GPHN: variants seen among roughly 807,000 people sequenced by gnomAD.
The protein encoded by GPHN is gephyrin.
GPHN carries 17 observed loss-of-function variants against 95.5 expected under a neutral mutation model. That is an observed-to-expected ratio of 0.18 (90% CI 0.12 to 0.27). The LOEUF is 0.27. GPHN is among the 10% of genes least tolerant of loss of function. The pLI is 1.00. For missense variants in GPHN, 660 were observed against 978.1 expected, an observed-to-expected ratio of 0.67 and a Z score of 4.34; for synonymous variants, 320 against 322.5, an observed-to-expected ratio of 0.99 and a Z score of 0.08.
chr14:67,687,157 C>T, the GPHN span, among the ~76,000 whole-genome samples: 4 of 152,208 alleles, frequency 2.6e-5, no homozygotes, highest in Non-Finnish European at 5.9e-5. Context: ...CCTCCAATTC[C>T]ACCACCTAGT....
At chr14:67,408,557 G>C in the GPHN span, among the ~76,000 whole-genome samples, 1 of 152,084 alleles carries the variant, frequency 6.6e-6, no homozygotes, top group Non-Finnish European at 1.5e-5. Context: ...GTCCTTATAG[G>C]AAGAGGAAAA....
At chr14:67,658,554 G>A in the GPHN span, among the ~76,000 whole-genome samples, 5 of 152,126 alleles carry the variant, frequency 3.3e-5, no homozygotes, top group South Asian at 4.1e-4. Context: ...CCGAGATTGC[G>A]CCACTGCACT....
intron 2 of GPHN, among the ~76,000 whole-genome samples, chr14:66,722,421 T>C (rs923419442): frequency 2.1e-5 from 3 of 145,814 alleles, no homozygotes; most frequent in Admixed American, 6.9e-5. Flanking sequence ...ATGTGTTCTA[T>C]TAATACTAAG....
the GPHN span, among the ~76,000 whole-genome samples, chr14:67,201,189 A>G: frequency 0.31 from 47,755 of 152,034 alleles, 11,591 homozygotes; most frequent in African/African-American, 0.66. Flanking sequence ...AGCTACTCGG[A>G]AGGCTGAGGA....
intron 8 of GPHN, among the ~76,000 whole-genome samples, chr14:66,957,306 C>T (rs1459197795): frequency 6.7e-6 from 1 of 148,856 alleles, no homozygotes; most frequent in African/African-American, 2.5e-5. Context: ...AGCAATTCTC[C>T]TACCTCAGCC....
intron 4 of GPHN, among the ~76,000 whole-genome samples, chr14:66,861,471 T>A (rs145588798): frequency 6.6e-6 from 1 of 152,190 alleles, no homozygotes; most frequent in African/African-American, 2.4e-5. Context: ...AACATCAGAC[T>A]TAATCAGCAC....
At chr14:67,549,852 G>T in the GPHN span, among the ~76,000 whole-genome samples, 1 of 152,352 alleles carries the variant, frequency 6.6e-6, no homozygotes, top group South Asian at 2.1e-4. Context: ...TCTCTGACTT[G>T]CTAAAGAAAA....
At chr14:67,251,538 CA>C in the GPHN span, among the ~76,000 whole-genome samples, 49 of 149,804 alleles carry the variant, frequency 3.3e-4, no homozygotes, top group Middle Eastern at 3.2e-3. Context: ...GAACCTGTCT[CA>C]AAAAAAAAGT....
chr14:67,648,218 C>T, the GPHN span: 28 of 1,596,210 alleles, frequency 1.8e-5, no homozygotes, highest in Non-Finnish European at 2.4e-5. Context: ...CTGTTAACTA[C>T]ATAGGTAAAT....
chr14:67,029,229 G>A (rs2153629721), intron 10 of GPHN, among the ~76,000 whole-genome samples: 1 of 151,988 alleles, frequency 6.6e-6, no homozygotes, highest in Non-Finnish European at 1.5e-5. Flanking sequence ...ATGCTGTTTT[G>A]CGTACTACAG....
At chr14:66,999,121 A>G (rs968384140) in intron 9 of GPHN, among the ~76,000 whole-genome samples, 2 of 151,890 alleles carry the variant, frequency 1.3e-5, no homozygotes, top group Non-Finnish European at 2.9e-5. Context: ...CTTAAATACC[A>G]TGCTTTCTCC....
rs1354801779 is a variant in GPHN, at chr14:66,776,515, A to C, written c.195A>C (p.Glu65Asp). Residue 65 changes from glutamate (E) to aspartate (D), a missense_variant, in exon 3 of 23, where the codon GAA becomes GAC. This residue lies in a region of GPHN where 92 missense variants were observed against 91.9 expected (regional missense o/e 1.00). Transcript: ENST00000478722. ...AGATAGTACCAGATGAAATAGAAGA[A>C]ATCAAGGTATAGTATGGCATTTTTC... ...AYKIVPDEIE[E>D]IKETLIDWCD... 1 of 1,566,080 alleles carries C rather than the reference A, an allele frequency of 6.4e-7. No homozygotes were observed.
At chr14:67,076,461 G>GT (rs1374935395) in intron 11 of GPHN, among the ~76,000 whole-genome samples, 1 of 152,034 alleles carries the variant, frequency 6.6e-6, no homozygotes, top group Non-Finnish European at 1.5e-5. Context: ...TCACTTTAAA[G>GT]TTTTTTTAAT....
intron 10 of GPHN, among the ~76,000 whole-genome samples, chr14:67,031,734 T>A (rs2074206156): frequency 6.6e-6 from 1 of 152,314 alleles, no homozygotes; most frequent in African/African-American, 2.4e-5. Context: ...CTTTCAAATA[T>A]AATTTTTTTA....
the GPHN span, among the ~76,000 whole-genome samples, chr14:67,633,066 C>T: frequency 1.1e-4 from 16 of 152,052 alleles, no homozygotes; most frequent in African/African-American, 2.9e-4. Context: ...GTGATCCGCC[C>T]GCCTCGGCCT....
chr14:67,452,777 T>G, the GPHN span, among the ~76,000 whole-genome samples: 3 of 152,252 alleles, frequency 2.0e-5, no homozygotes, highest in Non-Finnish European at 4.4e-5. Flanking sequence ...AGAGACAGCA[T>G]CTACCTCAGA....
chr14:66,854,143 A>C (rs981490029), intron 4 of GPHN, among the ~76,000 whole-genome samples: 3 of 152,214 alleles, frequency 2.0e-5, no homozygotes, highest in Non-Finnish European at 4.4e-5. Flanking sequence ...TATTTGTTAA[A>C]ATCAAAGAAC....
At chr14:66,699,698 A>C (rs931597955) in intron 2 of GPHN, among the ~76,000 whole-genome samples, 1 of 151,194 alleles carries the variant, frequency 6.6e-6, no homozygotes, top group African/African-American at 2.5e-5. Flanking sequence ...TTCACCTCTC[A>C]CTATTTGCTG....
intron 1 of GPHN, among the ~76,000 whole-genome samples, chr14:66,530,212 C>T (rs779292047): frequency 2.6e-5 from 4 of 152,130 alleles, no homozygotes; most frequent in African/African-American, 7.2e-5. Flanking sequence ...AGGGTTCCGA[C>T]GGGTTGGAAC....
Sources: gnomAD v4.1 joint callset for allele counts (sites outside exome capture counted in the v4.1 genomes callset) on GRCh38, gnomAD v4.1.1 for gene constraint, gnomAD v4.1.1 regional missense constraint, MANE v1.5 for transcripts, NCBI Gene and HGNC (gene_info 2026-07-23, HGNC 2026-07-21) for gene names.